Variants in NTRK2 observed in about 807,000 individuals in gnomAD.
The protein encoded by NTRK2 is neurotrophic receptor tyrosine kinase 2, also known as BDNF/NT-3 growth factors receptor.
NTRK2 carries 13 observed loss-of-function variants against 94.5 expected under a neutral mutation model. The observed-to-expected ratio is 0.14, with a 90% CI of 0.09 to 0.22. NTRK2 has a LOEUF of 0.22. Among genes scored for constraint, NTRK2 ranks in the 10% least tolerant of loss-of-function variants. The pLI is 1.00. For synonymous variants in NTRK2, 372 were observed against 407.4 expected, an observed-to-expected ratio of 0.91 and a Z score of 1.05; for missense variants, 639 against 1,071.2, an observed-to-expected ratio of 0.60 and a Z score of 5.63.
chr9:84,983,232 A>G (rs1827870008), intron 17 of NTRK2, among the ~76,000 whole-genome samples: 1 of 152,182 alleles, frequency 6.6e-6, no homozygotes, highest in Non-Finnish European at 1.5e-5. Context: ...TGAAAACTAA[A>G]TGACCCCAAG....
At position 84,915,818 on chromosome 9, in the gene NTRK2, A is replaced by G. The variant is rs563534541; in HGVS notation, c.1634-18344A>G. Among the ~76,000 whole-genome samples the G allele has an allele frequency of 7.9e-5, 12 of 152,336 alleles. 1 individual carries two copies. In the South Asian group the frequency reaches 2.5e-3, roughly 32 times the overall value. On this transcript the variant is annotated intron_variant, in intron 14 of 18. Coordinates refer to ENST00000277120, the MANE Select transcript of NTRK2 (RefSeq NM_006180.6). ...CAGATGTTGAGCTTTCTGGAAAATTAATAAAACTACTCAAGTGTAGAAGAA... is the reference window on the plus strand; with the variant it reads ...CAGATGTTGAGCTTTCTGGAAAATTGATAAAACTACTCAAGTGTAGAAGAA...
intron 17 of NTRK2, among the ~76,000 whole-genome samples, chr9:85,006,157 C>T (rs1014240328): frequency 6.6e-6 from 1 of 152,170 alleles, no homozygotes; most frequent in African/African-American, 2.4e-5. Context: ...TTTAAGAAGT[C>T]TAAAAATACT....
intron 14 of NTRK2, among the ~76,000 whole-genome samples, chr9:84,918,155 C>T (rs2077453187): frequency 6.6e-6 from 1 of 152,224 alleles, no homozygotes; most frequent in African/African-American, 2.4e-5. Flanking sequence ...TTCATTCATT[C>T]ATTCTTTTGC....
chr9:84,830,648 C>T (rs2073486626), intron 12 of NTRK2, among the ~76,000 whole-genome samples: 1 of 152,046 alleles, frequency 6.6e-6, no homozygotes, highest in African/African-American at 2.4e-5. Flanking sequence ...ACAAAATATG[C>T]TCATACCCTA....
chr9:84,690,871 T>C (rs2060012033), intron 2 of NTRK2, among the ~76,000 whole-genome samples: 3 of 152,230 alleles, frequency 2.0e-5, no homozygotes, highest in Non-Finnish European at 4.4e-5. Context: ...AGAGTAATTC[T>C]ATAGTGTCAG....
At chr9:84,743,092 T>G (rs1322450308) in intron 10 of NTRK2, among the ~76,000 whole-genome samples, 2 of 152,170 alleles carry the variant, frequency 1.3e-5, no homozygotes, top group African/African-American at 4.8e-5. Flanking sequence ...TTAGCCACCA[T>G]GCCCGGCCTA....
intron 12 of NTRK2, among the ~76,000 whole-genome samples, chr9:84,854,946 C>CAAA (rs149925184): frequency 4.7e-5 from 3 of 63,360 alleles, no homozygotes; most frequent in Non-Finnish European, 8.0e-5. Context: ...GACTCCGTCT[C>CAAA]AAAAAAAAAA....
intron 12 of NTRK2, among the ~76,000 whole-genome samples, chr9:84,833,238 A>G (rs1334219948): frequency 6.6e-6 from 1 of 151,984 alleles, no homozygotes; most frequent in African/African-American, 2.4e-5. Context: ...TGCACACTAA[A>G]AATCACCTGG....
chr9:84,784,003 T>A (rs1302010912), intron 12 of NTRK2, among the ~76,000 whole-genome samples: 2 of 152,042 alleles, frequency 1.3e-5, no homozygotes, highest in Non-Finnish European at 2.9e-5. Flanking sequence ...TTAGATCAAG[T>A]TCAAATAACT....
intron 15 of NTRK2, among the ~76,000 whole-genome samples, chr9:84,945,594 T>G (rs1332020835): frequency 5.3e-5 from 8 of 152,200 alleles, no homozygotes; most frequent in Admixed American, 5.2e-4. Context: ...GCAAGAGGGA[T>G]GCAAAGGAGT....
At chr9:84,738,500 G>T (rs1257246162) in intron 9 of NTRK2, among the ~76,000 whole-genome samples, 2 of 152,160 alleles carry the variant, frequency 1.3e-5, no homozygotes, top group East Asian at 3.9e-4. Context: ...AGTCTAAAAA[G>T]AAAGTGATAC....
At chr9:84,912,299 C>A (rs2077259387) in intron 14 of NTRK2, among the ~76,000 whole-genome samples, 1 of 152,018 alleles carries the variant, frequency 6.6e-6, no homozygotes, top group Non-Finnish European at 1.5e-5. Context: ...TATATTCTTG[C>A]TGATTTTTTC....
intron 6 of NTRK2, 69 bp downstream of exon 6, chr9:84,710,860 T>C (rs1050734662): frequency 2.0e-6 from 3 of 1,515,672 alleles, no homozygotes; most frequent in African/African-American, 1.4e-5. Flanking sequence ...TGCGGTAGTC[T>C]GGGAAAATTA....
chr9:84,905,193 A>G (rs1483520873), intron 14 of NTRK2, among the ~76,000 whole-genome samples: 1 of 152,176 alleles, frequency 6.6e-6, no homozygotes, highest in African/African-American at 2.4e-5. Flanking sequence ...GAAGAAAGAC[A>G]GTAGTAGAAA....
At position 84,813,540 on chromosome 9, in the gene NTRK2, A is replaced by C. The variant is rs202007438; in HGVS notation, c.1397-47500A>C. The stretch of plus-strand genomic sequence containing the variant: ...TTGCCATTGAGGGCTTTGTTACCAC[A>C]AGCTAAGAAACTGAGTTTAACAGCC... On this transcript the variant is annotated intron_variant, in intron 12 of 18. Coordinates refer to ENST00000277120, the MANE Select transcript of NTRK2 (RefSeq NM_006180.6). 11 of 1,065,220 alleles carry C rather than the reference A, an allele frequency of 1.0e-5. No individual in the cohort carries two copies. The South Asian group carries it at 3.2e-4, about 31-fold the overall frequency. 66.0% of individuals were successfully genotyped at this position (1,065,220 alleles called of 1,614,324 possible).
chr9:84,904,585 G>A (rs2077019910), intron 14 of NTRK2, among the ~76,000 whole-genome samples: 1 of 152,180 alleles, frequency 6.6e-6, no homozygotes, highest in Admixed American at 6.5e-5. Context: ...CTCCTCTGAT[G>A]TAGAAAATAA....
At chr9:84,835,878 C>G (rs950130612) in intron 12 of NTRK2, among the ~76,000 whole-genome samples, 3 of 152,168 alleles carry the variant, frequency 2.0e-5, no homozygotes, top group Non-Finnish European at 4.4e-5. Flanking sequence ...GCCAGCAAAT[C>G]CTAATCTAAT....
Position 84,742,985 on chromosome 9 carries a change from A to G in NTRK2, c.1195+1058A>G, listed in dbSNP as rs1198403308. On this transcript the variant is annotated intron_variant, in intron 10 of 18. Transcript: ENST00000277120. ...TCGGCTAATTCTTATATTTTTAGTTAAGACTGGGTTTTACCATGTTGGCCA... is the reference window on the plus strand; with the variant it reads ...TCGGCTAATTCTTATATTTTTAGTTGAGACTGGGTTTTACCATGTTGGCCA... Among the ~76,000 whole-genome samples, 9 of 95,346 alleles carry G rather than the reference A, an allele frequency of 9.4e-5. No individual in the cohort carries two copies. In the Admixed American group the frequency reaches 9.9e-4, roughly 11 times the overall value. The allele number at this position is 95,346 out of a possible 152,430, so 62.6% of individuals were successfully genotyped here. A position where few individuals can be genotyped will look rare whatever the true frequency, so the allele number is the denominator to read the frequency against.
intron 17 of NTRK2, among the ~76,000 whole-genome samples, chr9:84,963,353 T>G (rs897239780): frequency 2.0e-5 from 3 of 152,202 alleles, no homozygotes; most frequent in Non-Finnish European, 2.9e-5. Context: ...GGCTTTGGGG[T>G]CATCAAAGAA....
Sources: allele counts gnomAD v4.1 joint callset (sites outside exome capture counted in the v4.1 genomes callset), GRCh38; gene constraint gnomAD v4.1.1; transcripts MANE v1.5; gene names NCBI Gene and HGNC (gene_info 2026-07-23, HGNC 2026-07-21).